The following CORIN variants were observed in gnomAD, a reference collection of about 807,000 sequenced individuals.
CORIN encodes atrial natriuretic peptide-converting enzyme.
In CORIN, 117 loss-of-function variants were observed where a neutral mutation model predicts 125.3. The ratio of observed to expected loss-of-function variants is 0.93; its 90% CI spans 0.80 to 1.09. CORIN has a LOEUF of 1.09. Ranked by LOEUF, CORIN falls within the 50% of genes least tolerant of loss-of-function variation. The pLI, the probability that CORIN is intolerant of heterozygous loss-of-function variation, is 0.00. For missense variants in CORIN, 1,253 were observed against 1,306.7 expected (o/e 0.96, Z 0.63); for synonymous variants, 450 against 466.4 (o/e 0.96, Z 0.45).
At chr4:47,724,914 C>T (rs1022647100) in intron 5 of CORIN, among the ~76,000 whole-genome samples, 7 of 152,140 alleles carry the variant, frequency 4.6e-5, no homozygotes, top group African/African-American at 1.7e-4. Flanking sequence ...TTCATCCCCA[C>T]ATTCAGAGGT....
intron 3 of CORIN, among the ~76,000 whole-genome samples, chr4:47,774,829 T>C (rs552771575): frequency 3.3e-5 from 5 of 152,294 alleles, no homozygotes; most frequent in Admixed American, 3.3e-4. Flanking sequence ...TTGAGGACAT[T>C]ATGCTAAGTA....
At chr4:47,617,714 G>A (rs4464539) in intron 19 of CORIN, among the ~76,000 whole-genome samples, 40,952 of 152,072 alleles carry the variant, frequency 0.27, 5,659 homozygotes, top group Admixed American at 0.35. Flanking sequence ...GGAATAGAAA[G>A]ACAAATTGTG....
chr4:47,827,887 C>T (rs530498155), intron 1 of CORIN, among the ~76,000 whole-genome samples: 1 of 152,268 alleles, frequency 6.6e-6, no homozygotes, highest in African/African-American at 2.4e-5. Context: ...TCGTTCTGTT[C>T]ACCACCCATA....
intron 15 of CORIN, chr4:47,642,835 T>A (rs1463624410): frequency 2.8e-6 from 4 of 1,450,110 alleles, no homozygotes; most frequent in East Asian, 2.5e-5. Context: ...CAGACTATCA[T>A]TAAATTTATT....
At chr4:47,793,663 G>T (rs1399727823) in intron 2 of CORIN, among the ~76,000 whole-genome samples, 1 of 152,164 alleles carries the variant, frequency 6.6e-6, no homozygotes, top group African/African-American at 2.4e-5. Flanking sequence ...AGAAACATAG[G>T]TTCTTCATTT....
intron 3 of CORIN, among the ~76,000 whole-genome samples, chr4:47,764,528 C>T (rs1465551696): frequency 6.6e-6 from 1 of 152,184 alleles, no homozygotes; most frequent in African/African-American, 2.4e-5. Flanking sequence ...ACAAGATTCT[C>T]TTATTCACAA....
At chr4:47,736,273 A>T (rs1728128898) in intron 5 of CORIN, among the ~76,000 whole-genome samples, 1 of 152,184 alleles carries the variant, frequency 6.6e-6, no homozygotes, top group Admixed American at 6.5e-5. Flanking sequence ...GCAGACCTCT[A>T]CTAAACAACG....
intron 5 of CORIN, among the ~76,000 whole-genome samples, chr4:47,737,089 C>G (rs1728168067): frequency 6.6e-6 from 1 of 152,142 alleles, no homozygotes; most frequent in African/African-American, 2.4e-5. Flanking sequence ...TGGAACTACT[C>G]AAGGAGGAAG....
intron 5 of CORIN, among the ~76,000 whole-genome samples, chr4:47,715,488 C>T (rs963938780): frequency 6.6e-6 from 1 of 152,126 alleles, no homozygotes; most frequent in South Asian, 2.1e-4. Flanking sequence ...GCCTGTAGTC[C>T]CAGCTACTCG....
chr4:47,677,931 CACTT>C lies in CORIN; in HGVS notation c.1249+3_1249+6del, dbSNP rs1560501564. Reference sequence around the variant, plus strand: ...AGGAATGTTCTGGGGTGGTGGGACACACTTACTGACGCTGCAGTTCTCCTCATCA... The same window carrying C: ...AGGAATGTTCTGGGGTGGTGGGACACACTGACGCTGCAGTTCTCCTCATCA... On this transcript the variant is annotated splice_donor_5th_base_variant and intron_variant, in intron 9 of 21. Coordinates refer to ENST00000273857, the MANE Select transcript of CORIN (RefSeq NM_006587.4). The C allele has an allele frequency of 2.5e-6, 4 of 1,593,132 alleles. No homozygotes were observed. Among genetic ancestry groups the C allele is most frequent in the Admixed American group, 3.3e-5 (2 of 59,998 alleles).
At chr4:47,782,339 C>G (rs1428721651) in intron 3 of CORIN, among the ~76,000 whole-genome samples, 1 of 149,578 alleles carries the variant, frequency 6.7e-6, no homozygotes, top group African/African-American at 2.5e-5. Flanking sequence ...GAACTGAGAT[C>G]GTGCCACTGC....
intron 4 of CORIN, among the ~76,000 whole-genome samples, chr4:47,757,104 G>A (rs1292429520): frequency 6.6e-6 from 1 of 152,036 alleles, no homozygotes; most frequent in Non-Finnish European, 1.5e-5. Flanking sequence ...GTTAGCAGGG[G>A]AAATTAGTAT....
At chr4:47,746,017 T>C (rs1728647377) in intron 4 of CORIN, among the ~76,000 whole-genome samples, 1 of 152,220 alleles carries the variant, frequency 6.6e-6, no homozygotes, top group Non-Finnish European at 1.5e-5. Context: ...GGTTTTGTAT[T>C]TGAAAGAATT....
rs200472399 is a variant in CORIN at position 47,720,166 on chromosome 4, AAAC to A, written c.799+24233_799+24235del. Reference sequence around the variant, plus strand: ...TGCCTGCATCTGTGTTTGACTTGCAAAACAAAAGACTTCATGAAATAAAAATAT... The same window carrying A: ...TGCCTGCATCTGTGTTTGACTTGCAAAAAAGACTTCATGAAATAAAAATAT... On this transcript the variant is annotated intron_variant, in intron 5 of 21. Coordinates refer to ENST00000273857, the MANE Select transcript of CORIN (RefSeq NM_006587.4). 3.4e-3 allele frequency among the ~76,000 whole-genome samples: 515 copies of A among 152,354 alleles called. 10 individuals carry two copies. Among genetic ancestry groups the A allele is most frequent in the Admixed American group, 0.03 (460 of 15,310 alleles).
chr4:47,703,551 C>T (rs995047467), intron 5 of CORIN, among the ~76,000 whole-genome samples: 4 of 152,202 alleles, frequency 2.6e-5, no homozygotes, highest in Non-Finnish European at 5.9e-5. Context: ...ACACTATCTG[C>T]GCTGCTTTGG....
At chr4:47,595,983 A>C in intron 21 of CORIN, 80 bp from the exon 22 acceptor site, 1 of 1,188,314 alleles carries the variant, frequency 8.4e-7, no homozygotes, top group Non-Finnish European at 1.2e-6. Flanking sequence ...AGGATACTAT[A>C]AAGCTAAACC....
intron 5 of CORIN, among the ~76,000 whole-genome samples, chr4:47,720,784 G>A (rs1577860979): frequency 6.6e-6 from 1 of 152,270 alleles, no homozygotes; most frequent in South Asian, 2.1e-4. Flanking sequence ...ATGCTATTAA[G>A]CTAAATGTAC....
intron 4 of CORIN, among the ~76,000 whole-genome samples, chr4:47,751,168 A>T (rs1219730246): frequency 6.6e-6 from 1 of 152,222 alleles, no homozygotes; most frequent in African/African-American, 2.4e-5. Flanking sequence ...CACTCAAAAG[A>T]AAATTACAGC....
At chr4:47,815,786 A>T (rs1225720019) in intron 1 of CORIN, among the ~76,000 whole-genome samples, 1 of 152,162 alleles carries the variant, frequency 6.6e-6, no homozygotes, top group African/African-American at 2.4e-5. Context: ...GGGAAATTAA[A>T]TATTTGATAT....
Sources: allele counts gnomAD v4.1 joint callset (sites outside exome capture counted in the v4.1 genomes callset), GRCh38; gene constraint gnomAD v4.1.1; transcripts MANE v1.5; gene names NCBI Gene and HGNC (gene_info 2026-07-23, HGNC 2026-07-21).